The following TMEM135 variants were observed in gnomAD, a reference collection of about 807,000 sequenced individuals.
TMEM135 encodes transmembrane protein 135, also known as peroxisomal membrane protein 52.
A neutral mutation model predicts 60.3 loss-of-function variants in TMEM135; 30 were observed. That is an observed-to-expected ratio of 0.50 (90% CI 0.37 to 0.68). The LOEUF is 0.68. Ranked by LOEUF, TMEM135 falls within the 30% of genes least tolerant of loss-of-function variation. The pLI is 0.00. For synonymous variants in TMEM135, 190 were observed against 186.7 expected (o/e 1.02, Z -0.14); for missense variants, 468 against 548.8 (o/e 0.85, Z 1.47).
intron 4 of TMEM135, among the ~76,000 whole-genome samples, chr11:87,112,540 A>G (rs983769103): frequency 6.6e-6 from 1 of 152,126 alleles, no homozygotes; most frequent in Admixed American, 6.5e-5. Flanking sequence ...CTTGCATGAT[A>G]TTTATTGAAC....
At chr11:87,075,484 G>C (rs1856853276) in intron 3 of TMEM135, among the ~76,000 whole-genome samples, 1 of 151,984 alleles carries the variant, frequency 6.6e-6, no homozygotes, top group Admixed American at 6.6e-5. Flanking sequence ...AAGTAGCTGA[G>C]GTCTCACTGT....
intron 3 of TMEM135, among the ~76,000 whole-genome samples, chr11:87,073,463 G>A (rs1326742863): frequency 6.6e-6 from 1 of 152,112 alleles, no homozygotes; most frequent in African/African-American, 2.4e-5. Context: ...TCAAAGGATT[G>A]GTGAATGTTA....
intron 5 of TMEM135, among the ~76,000 whole-genome samples, chr11:87,215,827 A>G (rs1940487690): frequency 6.6e-6 from 1 of 152,088 alleles, no homozygotes; most frequent in Non-Finnish European, 1.5e-5. Flanking sequence ...TTCAACTATA[A>G]CTTCATTGTT....
At chr11:87,169,453 C>G (rs956651095) in intron 5 of TMEM135, among the ~76,000 whole-genome samples, 1 of 151,566 alleles carries the variant, frequency 6.6e-6, no homozygotes, top group Non-Finnish European at 1.5e-5. Flanking sequence ...TTTTTCCTTT[C>G]GATATTTAGT....
intron 6 of TMEM135, among the ~76,000 whole-genome samples, chr11:87,251,958 G>A (rs944476208): frequency 3.3e-5 from 5 of 152,186 alleles, no homozygotes; most frequent in African/African-American, 9.7e-5. Flanking sequence ...TCTGCAATCT[G>A]ATGGTCAGTG....
chr11:87,307,558 A>T (rs1457966345), intron 9 of TMEM135, among the ~76,000 whole-genome samples: 1 of 150,888 alleles, frequency 6.6e-6, no homozygotes, highest in Non-Finnish European at 1.5e-5. Flanking sequence ...AGGTGATATT[A>T]AAAAAATTGT....
rs1033672441 is a variant in TMEM135, at chr11:87,062,301, G to GCC, written c.142-5390_142-5389dup. The stretch of plus-strand genomic sequence containing the variant: ...TTACAGGCGTGATCCACTGCATCTA[G>GCC]CCCCTTTTTCTGGGCACTTTATTGT... On this transcript the variant is annotated intron_variant, in intron 1 of 14. Coordinates refer to ENST00000305494, the MANE Select transcript of TMEM135 (RefSeq NM_022918.4). Among the ~76,000 whole-genome samples the GCC allele has an allele frequency of 2.0e-4, 30 of 148,080 alleles. 1 individual carries two copies. Among genetic ancestry groups the GCC allele is most frequent in the Middle Eastern group, 3.6e-3 (1 of 280 alleles).
intron 6 of TMEM135, among the ~76,000 whole-genome samples, chr11:87,279,917 A>G (rs1942029886): frequency 6.6e-6 from 1 of 152,228 alleles, no homozygotes; most frequent in South Asian, 2.1e-4. Flanking sequence ...ATAAATAAGC[A>G]GACCTTTATT....
intron 4 of TMEM135, among the ~76,000 whole-genome samples, chr11:87,113,144 A>T (rs1213201227): frequency 2.6e-5 from 4 of 152,112 alleles, no homozygotes; most frequent in Non-Finnish European, 5.9e-5. Flanking sequence ...CAAATAGAAG[A>T]TGAAAAGTCA....
chr11:87,064,101 C>T (rs1479107111), intron 1 of TMEM135, among the ~76,000 whole-genome samples: 1 of 152,094 alleles, frequency 6.6e-6, no homozygotes, highest in African/African-American at 2.4e-5. Context: ...AGAACTAATC[C>T]TAAAGCTGTG....
chr11:87,192,259 G>A (rs934478693), intron 5 of TMEM135, among the ~76,000 whole-genome samples: 8 of 151,660 alleles, frequency 5.3e-5, no homozygotes, highest in African/African-American at 1.9e-4. Context: ...AAAGTGCTGG[G>A]ATTACAGGCA....
At chr11:87,260,907 G>A (rs7936587) in intron 6 of TMEM135, among the ~76,000 whole-genome samples, 53,682 of 151,988 alleles carry the variant, frequency 0.35, 10,036 homozygotes, top group Non-Finnish European at 0.42. Flanking sequence ...GGGGTGGGAT[G>A]TGAGCTTCAG....
At position 87,324,602 on chromosome 11, in the gene TMEM135, T is replaced by A. The variant is rs1277255295; in HGVS notation, c.*3269T>A. The A allele has an allele frequency of 2.6e-6, 1 of 379,738 alleles. No individual in the cohort carries two copies. The highest frequency in any genetic ancestry group is 3.1e-5 in the Admixed American group (1 of 31,922). The allele number at this position is 379,738 out of a possible 1,614,324, so 23.5% of individuals were successfully genotyped here. ...GCCTGGCTAATATTTATTTTATTTA[T>A]TTTTTTTTTGTAGAAACAAGGTGTT... On this transcript the variant is annotated 3_prime_UTR_variant, in exon 15 of 15. Transcript: ENST00000305494.
intron 1 of TMEM135, among the ~76,000 whole-genome samples, chr11:87,067,440 T>C (rs117400522): frequency 0.02 from 3,083 of 152,122 alleles, 33 homozygotes; most frequent in Non-Finnish European, 0.028. Flanking sequence ...GCATTACAAA[T>C]ATTTACCTCA....
At chr11:87,228,989 A>C (rs1417144361) in intron 5 of TMEM135, among the ~76,000 whole-genome samples, 1 of 152,132 alleles carries the variant, frequency 6.6e-6, no homozygotes, top group Non-Finnish European at 1.5e-5. Context: ...TTTTCTTGAA[A>C]GTTTTGTAAG....
intron 4 of TMEM135, among the ~76,000 whole-genome samples, chr11:87,104,670 T>C (rs1362029545): frequency 6.6e-6 from 1 of 152,200 alleles, no homozygotes; most frequent in Admixed American, 6.5e-5. Flanking sequence ...ATTTTATTTT[T>C]TGTTGTTGCT....
At chr11:87,143,135 CT>C (rs1314359549) in intron 4 of TMEM135, among the ~76,000 whole-genome samples, 1 of 151,924 alleles carries the variant, frequency 6.6e-6, no homozygotes, top group East Asian at 1.9e-4. Flanking sequence ...AGTGATTGTA[CT>C]TTTTTAGCTC....
chr11:87,152,737 C>T (rs1402124982), intron 4 of TMEM135, among the ~76,000 whole-genome samples: 7 of 152,228 alleles, frequency 4.6e-5, no homozygotes, highest in East Asian at 1.9e-4. Context: ...CCGCATCCGG[C>T]CCTTATGTTA....
At chr11:87,266,355 C>G (rs1011736026) in intron 6 of TMEM135, among the ~76,000 whole-genome samples, 1 of 152,134 alleles carries the variant, frequency 6.6e-6, no homozygotes, top group African/African-American at 2.4e-5. Context: ...TATCAAAGGA[C>G]TGATGTTTTA....
Sources: gnomAD v4.1 joint callset for allele counts (sites outside exome capture counted in the v4.1 genomes callset) on GRCh38, gnomAD v4.1.1 for gene constraint, MANE v1.5 for transcripts, NCBI Gene and HGNC (gene_info 2026-07-23, HGNC 2026-07-21) for gene names.